The following CSMD1 variants were observed in gnomAD, a reference collection of about 807,000 sequenced individuals.
CSMD1 encodes CUB and Sushi multiple domains 1, also known as CUB and sushi domain-containing protein 1.
A neutral mutation model predicts 417.5 loss-of-function variants in CSMD1; 213 were observed. That is an observed-to-expected ratio of 0.51 (90% confidence interval 0.46 to 0.57). CSMD1 has a LOEUF of 0.57. Ranked by LOEUF, CSMD1 falls within the 20% of genes least tolerant of loss-of-function variation. The pLI is 0.00. For synonymous variants in CSMD1, 2,862 were observed against 1,736.8 expected, an observed-to-expected ratio of 1.65 and a Z score of -16.11; for missense variants, 6,923 against 4,529.7, an observed-to-expected ratio of 1.53 and a Z score of -15.17.
intron 7 of CSMD1, among the ~76,000 whole-genome samples, chr8:3,666,674 G>A (rs911206556): frequency 6.6e-6 from 1 of 152,146 alleles, no homozygotes; most frequent in African/African-American, 2.4e-5. Context: ...CTGTTCTCAT[G>A]GTAGTGAATA....
At chr8:4,849,776 G>A (rs986928802) in intron 1 of CSMD1, among the ~76,000 whole-genome samples, 4 of 152,126 alleles carry the variant, frequency 2.6e-5, no homozygotes, top group Admixed American at 1.3e-4. Flanking sequence ...TTTAGTAAGT[G>A]CACTCAATGA....
chr8:3,494,354 G>A (rs1167163911), intron 10 of CSMD1, among the ~76,000 whole-genome samples: 2 of 152,100 alleles, frequency 1.3e-5, no homozygotes, highest in South Asian at 4.1e-4. Context: ...TCTTTCTGTA[G>A]AGCACAAGAT....
chr8:3,317,533 T>C (rs1584989713), intron 23 of CSMD1, among the ~76,000 whole-genome samples: 1 of 152,206 alleles, frequency 6.6e-6, no homozygotes, highest in African/African-American at 2.4e-5. Flanking sequence ...CTCACTTCTT[T>C]GTATAGCAAG....
At chr8:3,686,056 C>T (rs375075897) in intron 7 of CSMD1, among the ~76,000 whole-genome samples, 5 of 151,936 alleles carry the variant, frequency 3.3e-5, no homozygotes, top group African/African-American at 9.7e-5. Context: ...TTGCCCCCAC[C>T]CCTCACTATT....
intron 3 of CSMD1, among the ~76,000 whole-genome samples, chr8:4,177,253 G>A (rs865848035): frequency 1.3e-5 from 2 of 152,062 alleles, no homozygotes; most frequent in African/African-American, 2.4e-5. Context: ...GTGCAATCAA[G>A]CTAGAACTCA....
At chr8:4,796,254 G>C (rs1183050173) in intron 1 of CSMD1, among the ~76,000 whole-genome samples, 1 of 151,950 alleles carries the variant, frequency 6.6e-6, no homozygotes, top group African/African-American at 2.4e-5. Flanking sequence ...CCTTTGCTGT[G>C]AGGCTGGAAC....
In CSMD1 at chr8:3,727,807, A is replaced by T. The variant is rs991565044; in HGVS notation, c.932-19316T>A. On this transcript the variant is annotated intron_variant, in intron 6 of 69. Transcript: ENST00000635120. ...TTAAAAAGGAAGGAAACGCAGGTACATGCCACAGATGGGTGAGCTTTAGGG... is the reference window on the plus strand; with the variant it reads ...TTAAAAAGGAAGGAAACGCAGGTACTTGCCACAGATGGGTGAGCTTTAGGG... Among the ~76,000 whole-genome samples the T allele has an allele frequency of 4.6e-5, 7 of 152,240 alleles. No homozygotes were observed. The East Asian group carries it at 1.3e-3, about 29-fold the overall frequency.
At chr8:4,077,301 A>G (rs1045706605) in intron 3 of CSMD1, among the ~76,000 whole-genome samples, 17 of 73,556 alleles carry the variant, frequency 2.3e-4, no homozygotes, top group East Asian at 7.8e-4. Context: ...ATATGTGTAT[A>G]TATATATATA....
chr8:3,618,689 T>A (rs1802265329), intron 7 of CSMD1, among the ~76,000 whole-genome samples: 1 of 152,082 alleles, frequency 6.6e-6, no homozygotes, highest in Admixed American at 6.6e-5. Flanking sequence ...ATTAAAATAA[T>A]TTTACAGGAG....
intron 2 of CSMD1, among the ~76,000 whole-genome samples, chr8:4,629,516 G>C (rs891503920): frequency 6.6e-6 from 1 of 152,136 alleles, no homozygotes; most frequent in Non-Finnish European, 1.5e-5. Context: ...CAAATTAAGA[G>C]AAACAATTCT....
Position 3,789,809 on chromosome 8 carries a change from C to A in CSMD1, c.819-35767G>T, listed in dbSNP as rs528023821. The stretch of plus-strand genomic sequence containing the variant: ...GCAGCGGTGCTATCTTGGCTCACTG[C>A]AAGCTCCGCCTCCCGGGGGTTGCAC... On this transcript the variant is annotated intron_variant, in intron 5 of 69. Transcript: ENST00000635120. 3.4e-5 allele frequency among the ~76,000 whole-genome samples: 5 copies of A among 146,476 alleles called. No individual in the cohort carries two copies. In the East Asian group the frequency reaches 1.0e-3, roughly 30 times the overall value.
chr8:3,864,278 T>C (rs1199431811), intron 5 of CSMD1, among the ~76,000 whole-genome samples: 1 of 152,292 alleles, frequency 6.6e-6, no homozygotes, highest in Non-Finnish European at 1.5e-5. Flanking sequence ...CATAACTCAA[T>C]AATTTGGCCA....
chr8:4,295,214 C>G (rs1797599507), intron 3 of CSMD1, among the ~76,000 whole-genome samples: 3 of 29,940 alleles, frequency 1.0e-4, no homozygotes, highest in Non-Finnish European at 2.7e-4. Flanking sequence ...TTAAGATTTT[C>G]TATATAATCT....
intron 2 of CSMD1, among the ~76,000 whole-genome samples, chr8:4,558,570 A>C (rs560298546): frequency 4.6e-5 from 7 of 152,256 alleles, no homozygotes; most frequent in Non-Finnish European, 7.4e-5. Context: ...AGTCCCTAAT[A>C]AACAATAGAG....
intron 1 of CSMD1, among the ~76,000 whole-genome samples, chr8:4,676,864 G>T (rs977513521): frequency 2.7e-5 from 4 of 150,006 alleles, no homozygotes; most frequent in Non-Finnish European, 5.9e-5. Flanking sequence ...TTGAGAGAGA[G>T]ATATACATAT....
At chr8:4,506,333 G>A (rs113305310) in intron 2 of CSMD1, among the ~76,000 whole-genome samples, 230 of 152,148 alleles carry the variant, frequency 1.5e-3, no homozygotes, top group African/African-American at 5.2e-3. Flanking sequence ...TGAAACCCAC[G>A]GTGGGTTAGA....
intron 7 of CSMD1, among the ~76,000 whole-genome samples, chr8:3,704,314 G>A (rs149340979): frequency 1.5e-3 from 225 of 152,194 alleles, no homozygotes; most frequent in African/African-American, 5.0e-3. Context: ...CGTGATTAGC[G>A]AGCTCCCAGG....
intron 2 of CSMD1, among the ~76,000 whole-genome samples, chr8:4,453,971 G>A (rs891479580): frequency 7.9e-5 from 12 of 151,292 alleles, no homozygotes; most frequent in East Asian, 7.8e-4. Context: ...ACAGGCGCCC[G>A]CCACCGCGCC....
chr8:4,716,201 G>A (rs983335542), intron 1 of CSMD1, among the ~76,000 whole-genome samples: 1 of 152,160 alleles, frequency 6.6e-6, no homozygotes, highest in African/African-American at 2.4e-5. Context: ...ACCCAATGGG[G>A]ACTGCTCATC....
Sources: allele counts gnomAD v4.1 joint callset (sites outside exome capture counted in the v4.1 genomes callset), GRCh38; gene constraint gnomAD v4.1.1; transcripts MANE v1.5; gene names NCBI Gene and HGNC (gene_info 2026-07-23, HGNC 2026-07-21).